Variants in HEXB observed in about 807,000 individuals in gnomAD.
The protein encoded by HEXB is hexosaminidase subunit beta.
In HEXB, 51 loss-of-function variants were observed where a neutral mutation model predicts 71.2. The observed-to-expected ratio is 0.72, with a 90% CI of 0.57 to 0.90. HEXB has a LOEUF of 0.90. Among genes scored for constraint, HEXB ranks in the 40% least tolerant of loss-of-function variants. HEXB has a pLI of 0.00. For missense variants in HEXB, 617 were observed against 677.0 expected, an observed-to-expected ratio of 0.91 and a Z score of 0.98; for synonymous variants, 266 against 249.3, an observed-to-expected ratio of 1.07 and a Z score of -0.63.
At chr5:74,672,382 C>T (rs1748556035) in intron 1 of HEXB, among the ~76,000 whole-genome samples, 1 of 152,244 alleles carries the variant, frequency 6.6e-6, no homozygotes, top group Non-Finnish European at 1.5e-5. Flanking sequence ...CACAGCTCTT[C>T]GTGCCAATAT....
At chr5:74,687,725 A>G (rs1748905391) in intron 1 of HEXB, among the ~76,000 whole-genome samples, 1 of 152,206 alleles carries the variant, frequency 6.6e-6, no homozygotes, top group African/African-American at 2.4e-5. Flanking sequence ...CATAAAATTT[A>G]CCATCTTAAC....
At chr5:74,685,178 C>G (rs1211982531), upstream of HEXB, 6 of 1,379,774 alleles carry the variant, frequency 4.3e-6, no homozygotes, top group South Asian at 1.6e-5. Flanking sequence ...CCCGCGGCCG[C>G]GCTTCCTCTG....
At chr5:74,701,187 A>G (rs1207042951) in intron 5 of HEXB, among the ~76,000 whole-genome samples, 1 of 152,014 alleles carries the variant, frequency 6.6e-6, no homozygotes. Flanking sequence ...CCCAGCCACA[A>G]GTTCTTTAAA....
At chr5:74,717,822 CATTTAAGTGTT>C (rs1313462876) in intron 9 of HEXB, among the ~76,000 whole-genome samples, 1 of 152,102 alleles carries the variant, frequency 6.6e-6, no homozygotes, top group Non-Finnish European at 1.5e-5. Context: ...TTGTGTGATG[CATTTAAGTGTT>C]ATTTATCTGC....
chr5:74,671,025 C>T (rs1217477525), intron 1 of HEXB, among the ~76,000 whole-genome samples: 1 of 152,094 alleles, frequency 6.6e-6, no homozygotes, highest in African/African-American at 2.4e-5. Flanking sequence ...CAGGAAGTCT[C>T]CTGACAGGAA....
At chr5:74,665,894 A>G (rs1221323745) in intron 1 of HEXB, among the ~76,000 whole-genome samples, 2 of 152,230 alleles carry the variant, frequency 1.3e-5, no homozygotes, top group Non-Finnish European at 2.9e-5. Flanking sequence ...TCAATGGAAG[A>G]GCATTTCTCT....
intron 1 of HEXB, among the ~76,000 whole-genome samples, chr5:74,666,984 T>C (rs1392417535): frequency 6.6e-6 from 1 of 152,204 alleles, no homozygotes; most frequent in African/African-American, 2.4e-5. Context: ...TTGTAAATGC[T>C]GGTAGCCTCT....
intron 5 of HEXB, among the ~76,000 whole-genome samples, chr5:74,703,312 G>C (rs773722297): frequency 1.8e-4 from 27 of 152,322 alleles, no homozygotes; most frequent in Non-Finnish European, 3.7e-4. Flanking sequence ...CCTTCAAGTT[G>C]CCTCTTACAT....
At chr5:74,663,227 G>C (rs1159678427) in intron 1 of HEXB, among the ~76,000 whole-genome samples, 2 of 151,278 alleles carry the variant, frequency 1.3e-5, no homozygotes, top group African/African-American at 4.9e-5. Context: ...TTTCGCTCTT[G>C]TTGCCCAGGC....
intron 1 of HEXB, among the ~76,000 whole-genome samples, chr5:74,648,930 T>C (rs924969887): frequency 2.6e-5 from 4 of 152,144 alleles, no homozygotes; most frequent in African/African-American, 9.7e-5. Flanking sequence ...AGAACACAAA[T>C]GCGGGTTTCC....
intron 1 of HEXB, among the ~76,000 whole-genome samples, chr5:74,665,801 T>C (rs1748422358): frequency 6.6e-6 from 1 of 152,216 alleles, no homozygotes; most frequent in Admixed American, 6.5e-5. Context: ...TCCAGTTTAA[T>C]GACTGTTTAA....
intron 1 of HEXB, among the ~76,000 whole-genome samples, chr5:74,661,326 T>G (rs550321689): frequency 2.0e-5 from 3 of 152,122 alleles, no homozygotes; most frequent in Non-Finnish European, 1.5e-5. Context: ...AAAAGGAAAA[T>G]CAGGAAAAAC....
At position 74,679,798 on chromosome 5, in the gene HEXB, C is replaced by CAA. The variant is rs70976121; in HGVS notation, c.-376-9504_-376-9503dup. ...CTGGTGACAGCGCGAGACTCCGTCT[C>CAA]AAAAAAAAAAAAAAAAAAAAAAAAA... On this transcript the variant is annotated intron_variant, in intron 1 of 13. Transcript: ENST00000511181. 4.8e-3 allele frequency among the ~76,000 whole-genome samples: 186 copies of CAA among 38,916 alleles called. 26 individuals are homozygous for CAA. The highest frequency in any genetic ancestry group is 0.019 in the African/African-American group (165 of 8,594). The allele number at this position is 38,916 out of a possible 152,430, so 25.5% of individuals were successfully genotyped here.
chr5:74,702,049 C>T (rs940531422), intron 5 of HEXB, among the ~76,000 whole-genome samples: 15 of 141,514 alleles, frequency 1.1e-4, no homozygotes, highest in African/African-American at 3.8e-4. Flanking sequence ...TAATCTGCAA[C>T]TGACTATCTT....
intron 5 of HEXB, among the ~76,000 whole-genome samples, chr5:74,699,144 A>T (rs190375504): frequency 3.8e-4 from 58 of 152,286 alleles, no homozygotes; most frequent in Non-Finnish European, 5.9e-4. Context: ...AGATTACGCC[A>T]CTGCACTCCA....
At chr5:74,702,859 C>A (rs1447087132) in intron 5 of HEXB, among the ~76,000 whole-genome samples, 1 of 152,206 alleles carries the variant, frequency 6.6e-6, no homozygotes, top group Non-Finnish European at 1.5e-5. Flanking sequence ...GTAGAGCAAT[C>A]CCTTCTCTTT....
At chr5:74,717,063 G>A (rs961053693) in intron 9 of HEXB, among the ~76,000 whole-genome samples, 15 of 152,150 alleles carry the variant, frequency 9.9e-5, no homozygotes, top group African/African-American at 3.6e-4. Flanking sequence ...GGTGGCAGGT[G>A]CCTGTAGTCC....
intron 1 of HEXB, among the ~76,000 whole-genome samples, chr5:74,647,528 T>C (rs10474422): frequency 0.17 from 25,874 of 152,222 alleles, 2,972 homozygotes; most frequent in African/African-American, 0.32. Flanking sequence ...CACTGATGCG[T>C]GTGTTGTCAG....
At chr5:74,683,310 T>C (rs1748773233), upstream of HEXB, among the ~76,000 whole-genome samples, 1 of 152,068 alleles carries the variant, frequency 6.6e-6, no homozygotes, top group Non-Finnish European at 1.5e-5. Context: ...TTCTTTTTTT[T>C]TTTTTCTTTC....
Sources: gnomAD v4.1 joint callset for allele counts (sites outside exome capture counted in the v4.1 genomes callset) on GRCh38, gnomAD v4.1.1 for gene constraint, MANE v1.5 for transcripts, NCBI Gene and HGNC (gene_info 2026-07-23, HGNC 2026-07-21) for gene names.